Variants in KLHL3 observed in about 807,000 individuals in gnomAD.
The protein encoded by KLHL3 is kelch-like protein 3.
KLHL3 carries 19 observed loss-of-function variants against 70.5 expected under a neutral mutation model. That is an observed-to-expected ratio of 0.27 (90% CI 0.19 to 0.40). The LOEUF is 0.40. KLHL3 is among the 10% of genes least tolerant of loss of function. The pLI is 1.00. For synonymous variants in KLHL3, 258 were observed against 290.3 expected (o/e 0.89, Z 1.13); for missense variants, 512 against 771.1 (o/e 0.66, Z 3.98).
At chr5:137,703,656 C>G (rs905349906) in intron 3 of KLHL3, among the ~76,000 whole-genome samples, 6 of 152,092 alleles carry the variant, frequency 3.9e-5, no homozygotes, top group African/African-American at 1.4e-4. Context: ...TCTGTTCTGC[C>G]TTTATCCCAA....
chr5:137,676,073 G>A (rs188789223), intron 6 of KLHL3, among the ~76,000 whole-genome samples: 4 of 152,152 alleles, frequency 2.6e-5, no homozygotes, highest in African/African-American at 4.8e-5. Context: ...GCACACACAC[G>A]CATTCAAGGA....
At chr5:137,733,932 T>C (rs752840345) in intron 1 of KLHL3, among the ~76,000 whole-genome samples, 1 of 152,220 alleles carries the variant, frequency 6.6e-6, no homozygotes, top group Non-Finnish European at 1.5e-5. Flanking sequence ...CATTGGAAGC[T>C]GCTCGGTTTG....
At chr5:137,625,666 TC>T in intron 14 of KLHL3, 86 bp downstream of exon 14, 1 of 1,503,406 alleles carries the variant, frequency 6.7e-7, no homozygotes, top group South Asian at 1.2e-5. Flanking sequence ...CAAGCTCACA[TC>T]CCCTCATCCC....
chr5:137,644,157 C>T (rs1750984734), intron 8 of KLHL3, among the ~76,000 whole-genome samples: 1 of 152,148 alleles, frequency 6.6e-6, no homozygotes, highest in South Asian at 2.1e-4. Flanking sequence ...CAACCTCCAC[C>T]CCCCGGGTTC....
At chr5:137,656,749 A>G (rs1188024127) in intron 8 of KLHL3, among the ~76,000 whole-genome samples, 1 of 152,258 alleles carries the variant, frequency 6.6e-6, no homozygotes, top group African/African-American at 2.4e-5. Flanking sequence ...ACGTGAGGCC[A>G]ACAGGCAAGT....
intron 4 of KLHL3, chr5:137,692,805 G>A: frequency 4.2e-6 from 1 of 240,318 alleles, no homozygotes; most frequent in Non-Finnish European, 8.0e-6. Context: ...ACCACACTTT[G>A]AGTAACAAAA....
At position 137,684,815 on chromosome 5, in the gene KLHL3, G is replaced by A. The variant is rs115797862; in HGVS notation, c.527-7161C>T. 3.2e-3 allele frequency among the ~76,000 whole-genome samples: 486 copies of A among 152,360 alleles called. 4 individuals are homozygous for A. Among genetic ancestry groups the A allele is most frequent in the African/African-American group, 0.01 (417 of 41,580 alleles). ...GCTACTAGTTGCCCAGGAAGACTGT[G>A]ATGCCACTAGCTAAGGCAAGAGTCT... is the stretch of plus-strand genomic sequence containing the variant. On this transcript the variant is annotated intron_variant, in intron 5 of 14. Coordinates refer to ENST00000309755, the MANE Select transcript of KLHL3 (RefSeq NM_017415.3).
At chr5:137,685,930 T>A (rs76853136) in intron 5 of KLHL3, among the ~76,000 whole-genome samples, 1,712 of 152,374 alleles carry the variant, frequency 0.011, 33 homozygotes, top group African/African-American at 0.039. Flanking sequence ...GATTGTGGTA[T>A]AATTCTTTCC....
In KLHL3 at chr5:137,688,894, C is replaced by T. The variant is rs2149915590; in HGVS notation, c.526+3391G>A. Among the ~76,000 whole-genome samples the T allele has an allele frequency of 3.3e-5, 5 of 152,342 alleles. No homozygotes were observed. The Middle Eastern group carries it at 0.017, about 518-fold the overall frequency. ...TGTCTGCATACACAGACCCATAATG[C>T]AGACAGAACTCAATCACTATAACAG... On this transcript the variant is annotated intron_variant, in intron 5 of 14. Transcript: ENST00000309755.
At chr5:137,633,357 A>C (rs1750689391) in intron 12 of KLHL3, among the ~76,000 whole-genome samples, 1 of 151,920 alleles carries the variant, frequency 6.6e-6, no homozygotes, top group African/African-American at 2.4e-5. Flanking sequence ...ATGCTTATAC[A>C]CTGTTGTGGA....
chr5:137,655,445 A>G (rs1751312742), intron 8 of KLHL3, among the ~76,000 whole-genome samples: 2 of 152,248 alleles, frequency 1.3e-5, no homozygotes, highest in African/African-American at 4.8e-5. Context: ...AAAATTATAA[A>G]GGTACTTGAA....
rs1029367760 is a variant in KLHL3 at position 137,620,639 on chromosome 5, A to G, written c.*1459T>C. ...AACAGCACAACTTTAAGGTTTTTTA[A>G]ATACAAATTACTCCATGCCCCCTCA... On this transcript the variant is annotated 3_prime_UTR_variant, in exon 15 of 15. Coordinates refer to ENST00000309755, the MANE Select transcript of KLHL3 (RefSeq NM_017415.3). 1.6e-4 allele frequency: 24 copies of G among 152,188 alleles called. No individual in the cohort carries two copies. The highest frequency in any genetic ancestry group is 5.8e-4 in the African/African-American group (24 of 41,438). The allele number at this position is 152,188 out of a possible 1,614,324, so 9.4% of individuals were successfully genotyped here.
At chr5:137,656,834 TAA>T (rs1477258973) in intron 8 of KLHL3, among the ~76,000 whole-genome samples, 3 of 152,230 alleles carry the variant, frequency 2.0e-5, no homozygotes, top group Non-Finnish European at 2.9e-5. Context: ...TGGAGAGTGA[TAA>T]AGACTCAGTT....
chr5:137,735,756 G>T lies in KLHL3; in HGVS notation c.-110C>A. The T allele has an allele frequency of 6.8e-7, 1 of 1,463,448 alleles. No homozygotes were observed. Among genetic ancestry groups the T allele is most frequent in the Non-Finnish European group, 9.6e-7 (1 of 1,043,212 alleles). The allele number at this position is 1,463,448 out of a possible 1,614,324, so 90.7% of individuals were successfully genotyped here. The stretch of plus-strand genomic sequence containing the variant: ...CCAGTGGGAAATCTGATCAGCAACA[G>T]TGATTCAGCATGGCTGCAAGTGAAG... On this transcript the variant is annotated 5_prime_UTR_variant, in exon 1 of 15. It adds an upstream start codon to the 5' untranslated region. Transcript: ENST00000309755.
At chr5:137,631,089 A>G (rs59916782) in intron 12 of KLHL3, among the ~76,000 whole-genome samples, 11,166 of 141,664 alleles carry the variant, frequency 0.079, 991 homozygotes, top group African/African-American at 0.23. Flanking sequence ...AAAAAAAAAA[A>G]AGAGAGAGAG....
At chr5:137,694,072 G>A (rs1016643257) in intron 4 of KLHL3, among the ~76,000 whole-genome samples, 7 of 151,816 alleles carry the variant, frequency 4.6e-5, no homozygotes, top group Admixed American at 4.6e-4. Context: ...CTAAAAATGG[G>A]ACAGTCGGTC....
intron 6 of KLHL3, among the ~76,000 whole-genome samples, chr5:137,663,699 G>GA (rs1463996833): frequency 1.3e-5 from 2 of 151,998 alleles, no homozygotes; most frequent in Admixed American, 1.3e-4. Context: ...TTCCTTAGTT[G>GA]AATCCCTGGA....
intron 6 of KLHL3, among the ~76,000 whole-genome samples, chr5:137,668,672 T>G (rs1020626176): frequency 6.6e-6 from 1 of 152,196 alleles, no homozygotes; most frequent in Non-Finnish European, 1.5e-5. Flanking sequence ...ACAAGACTTG[T>G]GTTAAGCATA....
At chr5:137,698,514 G>T in intron 3 of KLHL3, 106 bp from the exon 4 acceptor site, 1 of 1,282,770 alleles carries the variant, frequency 7.8e-7, no homozygotes, top group Non-Finnish European at 1.1e-6. Flanking sequence ...GCACTTCCTG[G>T]GCTCCAGGAG....
Sources: allele counts gnomAD v4.1 joint callset (sites outside exome capture counted in the v4.1 genomes callset), GRCh38; gene constraint gnomAD v4.1.1; transcripts MANE v1.5; gene names NCBI Gene and HGNC (gene_info 2026-07-23, HGNC 2026-07-21).